Variants in SESN3 observed in about 807,000 individuals in gnomAD.
SESN3 encodes the protein sestrin 3.
In SESN3, 21 loss-of-function variants were observed where a neutral mutation model predicts 55.3. That is an observed-to-expected ratio of 0.38 (90% CI 0.27 to 0.55). The LOEUF (loss-of-function observed/expected upper bound fraction) is 0.55. Among genes scored for constraint, SESN3 ranks in the 20% least tolerant of loss-of-function variants. The probability of loss-of-function intolerance (pLI) is 0.76; values close to 1 mark genes in which losing one functional copy is unlikely to be tolerated. For synonymous variants in SESN3, 181 were observed against 203.1 expected (o/e 0.89, Z 0.93); for missense variants, 408 against 604.3 (o/e 0.68, Z 3.41).
At position 95,215,717 on chromosome 11, in the gene SESN3, C is replaced by A. The variant is rs577232903; in HGVS notation, c.78+15066G>T. Among the ~76,000 whole-genome samples the A allele has an allele frequency of 2.9e-3, 442 of 152,124 alleles. 4 individuals carry two copies. Among genetic ancestry groups the A allele is most frequent in the African/African-American group, 9.9e-3 (409 of 41,500 alleles). On this transcript the variant is annotated intron_variant, in intron 1 of 9. Transcript: ENST00000536441. ...ATTTTTCCTAGAAATAACTGTAAAC[C>A]AATTATGTGTCACACATGCTCTAGA...
At chr11:95,228,481 A>G (rs1860989161) in intron 1 of SESN3, among the ~76,000 whole-genome samples, 1 of 152,220 alleles carries the variant, frequency 6.6e-6, no homozygotes. Context: ...GATAAACTCT[A>G]AGAATCACAT....
At position 95,230,719 on chromosome 11, in the gene SESN3, G is replaced by T; in HGVS notation, c.78+64C>A. ...TCCCCCAGTGCGCGCCCGGGGACGA[G>T]CCGCCCGAGCCCCGGCCGGCAGGAA... On this transcript the variant is annotated intron_variant, in intron 1 of 9. Transcript: ENST00000536441. This position sits in a 1 kb window ranked among gnomAD's most constrained non-coding sequence, Gnocchi z 4.6. 1.5e-6 allele frequency: 2 copies of T among 1,313,688 alleles called. No homozygotes were observed. Among genetic ancestry groups the T allele is most frequent in the Non-Finnish European group, 1.1e-6 (1 of 931,756 alleles). 81.4% of individuals were successfully genotyped at this position (1,313,688 alleles called of 1,614,324 possible).
At chr11:95,194,879 G>A (rs552771186) in intron 1 of SESN3, among the ~76,000 whole-genome samples, 2 of 152,110 alleles carry the variant, frequency 1.3e-5, no homozygotes, top group Middle Eastern at 3.4e-3. Context: ...AGCTATGATC[G>A]CACCACTGCA....
rs1328200147 is a variant in SESN3 at position 95,184,578 on chromosome 11, C to T, written c.779G>A (p.Ser260Asn). The T allele has an allele frequency of 1.1e-5, 17 of 1,612,430 alleles. No individual in the cohort carries two copies. Among genetic ancestry groups the T allele is most frequent in the Non-Finnish European group, 1.4e-5 (16 of 1,179,456 alleles). ...GSNFGIVDSL[S>N]ELEALMERMK... ...CCTTTCCATTAAGGCCTCTAGCTCACTTAGAGAATCCACAATCTGGAAACA... is the reference window on the plus strand; with the variant it reads ...CCTTTCCATTAAGGCCTCTAGCTCATTTAGAGAATCCACAATCTGGAAACA... Residue 260 changes from serine to asparagine, a missense_variant, in exon 6 of 10, where the codon AGT becomes AAT. This residue lies in a region of SESN3 where 119 missense variants were observed against 139.9 expected (regional missense o/e 0.85). Coordinates refer to ENST00000536441, the MANE Select transcript of SESN3 (RefSeq NM_144665.4).
intron 1 of SESN3, among the ~76,000 whole-genome samples, chr11:95,211,195 A>G (rs1860648348): frequency 6.6e-6 from 1 of 152,224 alleles, no homozygotes. Flanking sequence ...TTTATTCTAG[A>G]AAGCCTGTCT....
intron 8 of SESN3, among the ~76,000 whole-genome samples, chr11:95,176,820 T>C (rs899360550): frequency 6.6e-6 from 1 of 152,182 alleles, no homozygotes; most frequent in Non-Finnish European, 1.5e-5. Context: ...ATATGATATA[T>C]ATGTGTTTTA....
chr11:95,208,137 A>G (rs1860585096), intron 1 of SESN3, among the ~76,000 whole-genome samples: 1 of 151,568 alleles, frequency 6.6e-6, no homozygotes, highest in Non-Finnish European at 1.5e-5. Context: ...AAGGTATTTT[A>G]TGTAAATGGT....
At chr11:95,176,271 A>G (rs1591044921) in intron 8 of SESN3, among the ~76,000 whole-genome samples, 1 of 152,358 alleles carries the variant, frequency 6.6e-6, no homozygotes, top group East Asian at 1.9e-4. Context: ...ATGGGAGATA[A>G]GAAAATAGTG....
At chr11:95,179,969 A>G (rs1039050478) in intron 6 of SESN3, among the ~76,000 whole-genome samples, 7 of 152,180 alleles carry the variant, frequency 4.6e-5, no homozygotes, top group African/African-American at 1.7e-4. Flanking sequence ...TAATTTATGG[A>G]AAATAATTCT....
chr11:95,176,647 T>C (rs563052811), intron 8 of SESN3, among the ~76,000 whole-genome samples: 14 of 152,332 alleles, frequency 9.2e-5, no homozygotes, highest in Admixed American at 2.0e-4. Context: ...TTTTAACCCA[T>C]ATAATGCTTA....
chr11:95,177,502 T>C (rs937354514), intron 8 of SESN3, among the ~76,000 whole-genome samples: 7 of 152,156 alleles, frequency 4.6e-5, no homozygotes, highest in African/African-American at 1.4e-4. Context: ...TTTCCCTCAG[T>C]AAATTTTTAC....
In SESN3 at chr11:95,178,789, C is replaced by T. The variant is rs764991422; in HGVS notation, c.977G>A (p.Arg326Gln). 1.4e-5 allele frequency: 23 copies of T among 1,610,680 alleles called. No homozygotes were observed. The highest frequency in any genetic ancestry group is 1.9e-5 in the Non-Finnish European group (22 of 1,177,192). Residue 326 changes from arginine to glutamine, a missense_variant, in exon 7 of 10, where the codon CGA (arginine) becomes CAA (glutamine). Coordinates refer to ENST00000536441, the MANE Select transcript of SESN3 (RefSeq NM_144665.4). ...CCCAAAACCAGGGTCTTCAATATATCGAGAGACATCAGATGTTATAATCAT... is the reference window on the plus strand; with the variant it reads ...CCCAAAACCAGGGTCTTCAATATATTGAGAGACATCAGATGTTATAATCAT... ...DDMIITSDVSRYIEDPGFGYE... is the reference protein window; with the variant it reads ...DDMIITSDVSQYIEDPGFGYE...
At chr11:95,208,505 G>A (rs942769575) in intron 1 of SESN3, among the ~76,000 whole-genome samples, 1 of 151,290 alleles carries the variant, frequency 6.6e-6, no homozygotes, top group African/African-American at 2.4e-5. Flanking sequence ...TGGGTTGGCT[G>A]GTAGGTAGTA....
chr11:95,177,459 T>C (rs1312954111), intron 8 of SESN3, among the ~76,000 whole-genome samples: 1 of 152,202 alleles, frequency 6.6e-6, no homozygotes, highest in Non-Finnish European at 1.5e-5. Flanking sequence ...TTTGGTCTAA[T>C]TCTATCCTAT....
chr11:95,181,531 G>A (rs1860058510), intron 6 of SESN3, among the ~76,000 whole-genome samples: 1 of 151,996 alleles, frequency 6.6e-6, no homozygotes, highest in Non-Finnish European at 1.5e-5. Flanking sequence ...ATAGTATTTT[G>A]TTCATTATCT....
At chr11:95,210,014 T>A (rs1591069614) in intron 1 of SESN3, among the ~76,000 whole-genome samples, 3 of 81,814 alleles carry the variant, frequency 3.7e-5, no homozygotes, top group Admixed American at 1.9e-4. Flanking sequence ...TGAAACTCCA[T>A]CTCAAAAAAA....
rs148970283 is a variant in SESN3, at chr11:95,197,915, A to T, written c.79-4393T>A. Among the ~76,000 whole-genome samples the T allele has an allele frequency of 4.6e-5, 7 of 152,256 alleles. 1 individual carries two copies. In the East Asian group the frequency reaches 1.4e-3, roughly 29 times the overall value. On this transcript the variant is annotated intron_variant, in intron 1 of 9. Coordinates refer to ENST00000536441, the MANE Select transcript of SESN3 (RefSeq NM_144665.4). ...AGTCTGGCTTTGGGTATTTTGTGAC[A>T]TAACCTGGATGCAACATTAGCACCT... is the stretch of plus-strand genomic sequence containing the variant.
intron 1 of SESN3, among the ~76,000 whole-genome samples, chr11:95,221,201 G>A (rs1001563861): frequency 1.3e-5 from 2 of 152,042 alleles, no homozygotes; most frequent in Non-Finnish European, 2.9e-5. Context: ...CTACTTAGGA[G>A]GCTGAGGCAG....
At chr11:95,200,770 T>C (rs984385251) in intron 1 of SESN3, 10 of 152,066 alleles carry the variant, frequency 6.6e-5, no homozygotes, top group African/African-American at 2.4e-4. Flanking sequence ...TTGAGGAACA[T>C]AGGAAAGATC....
Sources: allele counts gnomAD v4.1 joint callset (sites outside exome capture counted in the v4.1 genomes callset), GRCh38; gene constraint gnomAD v4.1.1; regional missense constraint gnomAD v4.1.1; non-coding constraint Gnocchi (gnomAD v3.1); transcripts MANE v1.5; gene names NCBI Gene and HGNC (gene_info 2026-07-23, HGNC 2026-07-21).